The following ZPBP2 variants were observed in gnomAD, a reference collection of about 807,000 sequenced individuals.
The protein encoded by ZPBP2 is zona pellucida binding protein 2, also known as zona pellucida-binding protein 2.
A neutral mutation model predicts 37.5 loss-of-function variants in ZPBP2; 34 were observed. The ratio of observed to expected loss-of-function variants is 0.91; its 90% CI spans 0.69 to 1.21. ZPBP2 has a LOEUF of 1.21. ZPBP2 is among the 50% of genes most tolerant of loss of function. The pLI, the probability that ZPBP2 is intolerant of heterozygous loss-of-function variation, is 0.00. For synonymous variants in ZPBP2, 143 were observed against 138.4 expected (o/e 1.03, Z -0.23); for missense variants, 397 against 413.5 (o/e 0.96, Z 0.35).
chr17:39,869,405 C>CCTTCTT (rs1555647284), intron 2 of ZPBP2, among the ~76,000 whole-genome samples: 2,271 of 115,196 alleles, frequency 0.02, 44 homozygotes, highest in Non-Finnish European at 0.024. Flanking sequence ...TTCCTTCCTT[C>CCTTCTT]TTTTTTTTTT....
In ZPBP2 at chr17:39,868,675, C is replaced by A. The variant is rs1598260990; in HGVS notation, c.118+61C>A. On this transcript the variant is annotated intron_variant, in intron 2 of 7. Transcript: ENST00000348931. ...GGGGCCGGAACTGCGAAGCTCTTCC[C>A]GGAAGAGCTTCCTGGAGAGAAGGGG... The A allele has an allele frequency of 3.2e-6, 5 of 1,573,474 alleles. No homozygotes were observed. The Admixed American group carries it at 6.7e-5, about 21-fold the overall frequency.
chr17:39,873,088 G>C lies in ZPBP2; in HGVS notation c.670G>C (p.Val224Leu). 1 of 1,611,924 alleles carries C rather than the reference G, an allele frequency of 6.2e-7. No individual in the cohort carries two copies. Among genetic ancestry groups the C allele is most frequent in the Admixed American group, 1.7e-5 (1 of 59,648 alleles). The change falls in exon 6 of 8, where the codon GTT becomes CTT. Residue 224 changes from valine (V) to leucine (L), a missense_variant. Coordinates refer to ENST00000348931, the MANE Select transcript of ZPBP2 (RefSeq NM_199321.3). ...PGWKGACNGS[V>L]DCEDTTNHNI... ...GTGGAAAGGTGCTTGCAATGGATCT[G>C]TTGACTGTGAAGATACCACTAATCA...
Position 39,872,499 on chromosome 17 carries a change from T to A in ZPBP2, c.625+11T>A, listed in dbSNP as rs1386943817. The A allele has an allele frequency of 2.0e-6, 3 of 1,537,094 alleles. No individual in the cohort carries two copies. Among genetic ancestry groups the A allele is most frequent in the African/African-American group, 1.4e-5 (1 of 71,710 alleles). ...TTATAGCATTTCAAGGTAAAATTTT[T>A]AAAATTTCTTTAATTTTGAATTTAG... On this transcript the variant is annotated intron_variant, in intron 5 of 7. Transcript: ENST00000348931.
At chr17:39,871,319 A>C (rs1193233503) in intron 3 of ZPBP2, 145 bp from the exon 4 acceptor site, 9 of 548,820 alleles carry the variant, frequency 1.6e-5, no homozygotes, top group Non-Finnish European at 2.8e-5. Context: ...ACAGAGTAAT[A>C]TGACAGAATT....
At chr17:39,868,995 T>C (rs1032419540) in intron 2 of ZPBP2, among the ~76,000 whole-genome samples, 12 of 152,186 alleles carry the variant, frequency 7.9e-5, no homozygotes, top group African/African-American at 2.4e-4. Flanking sequence ...CCACGCATCC[T>C]TCAGGGCTCA....
At position 39,874,342 on chromosome 17, in the gene ZPBP2, A is replaced by C. The variant is rs142599882; in HGVS notation, c.709-912A>C. 2.0e-5 allele frequency among the ~76,000 whole-genome samples: 3 copies of C among 151,714 alleles called. No homozygotes were observed. In the East Asian group the frequency reaches 5.9e-4, roughly 30 times the overall value. ...GCTTGGCTCTTTTTCTTTGATGATC[A>C]TGGAAATTAGATATAATGAACGCCC... On this transcript the variant is annotated intron_variant, in intron 6 of 7. Coordinates refer to ENST00000348931, the MANE Select transcript of ZPBP2 (RefSeq NM_199321.3).
At chr17:39,870,860 C>A in intron 3 of ZPBP2, 41 bp downstream of exon 3, 1 of 1,405,476 alleles carries the variant, frequency 7.1e-7, no homozygotes, top group Non-Finnish European at 9.5e-7. Context: ...ATGATGTGAA[C>A]ATATTTTTAG....
At chr17:39,870,207 C>G (rs2063357671) in intron 2 of ZPBP2, among the ~76,000 whole-genome samples, 1 of 152,062 alleles carries the variant, frequency 6.6e-6, no homozygotes. Context: ...CCACGCCAAG[C>G]TAAGTTTTGT....
chr17:39,872,986 G>A (rs1422136696), intron 5 of ZPBP2, 58 bp from the exon 6 acceptor site: 2 of 1,517,980 alleles, frequency 1.3e-6, no homozygotes, highest in Admixed American at 3.5e-5. Context: ...GACCTTTATT[G>A]AAATGTTTGG....
intron 2 of ZPBP2, 152 bp downstream of exon 2, chr17:39,868,766 A>AT (rs2063348041): frequency 1.2e-6 from 1 of 825,506 alleles, no homozygotes. Flanking sequence ...CGACGGTCGC[A>AT]TTTTTTCATC....
chr17:39,871,399 T>C (rs914704277), intron 3 of ZPBP2, 65 bp from the exon 4 acceptor site: 1 of 1,172,130 alleles, frequency 8.5e-7, no homozygotes, highest in Admixed American at 2.7e-5. Flanking sequence ...TATTTGTAAC[T>C]CCAAGTGTAC....
rs1049572913 is a variant in ZPBP2 at position 39,874,184 on chromosome 17, G to C, written c.708+1058G>C. 4.0e-5 allele frequency among the ~76,000 whole-genome samples: 6 copies of C among 151,724 alleles called. No individual in the cohort carries two copies. In the South Asian group the frequency reaches 1.0e-3, roughly 26 times the overall value. ...TTTTTTGTGTTTTTATCAGAGACGG[G>C]GTTTCACCATGTTGGCTAGGTTGGT... On this transcript the variant is annotated intron_variant, in intron 6 of 7. Transcript: ENST00000348931.
intron 4 of ZPBP2, 84 bp downstream of exon 4, chr17:39,871,709 T>A (rs2063365467): frequency 1.7e-6 from 2 of 1,188,282 alleles, no homozygotes; most frequent in Non-Finnish European, 2.3e-6. Context: ...TGAAAATGAG[T>A]CTGTAATAGG....
In ZPBP2 at chr17:39,868,295, A is replaced by T. The variant is rs1403384844; in HGVS notation, c.-60A>T. 6 of 1,583,876 alleles carry T rather than the reference A, an allele frequency of 3.8e-6. No homozygotes were observed. The highest frequency in any genetic ancestry group is 5.1e-6 in the Non-Finnish European group (6 of 1,167,576). On this transcript the variant is annotated 5_prime_UTR_variant, in exon 1 of 8. Transcript: ENST00000348931. ...GGAGGAGGTGGGGAGGTGTTGGGCCAGGGCTGAGGTAGGAGGGAGTCTGTC... is the reference window on the plus strand; with the variant it reads ...GGAGGAGGTGGGGAGGTGTTGGGCCTGGGCTGAGGTAGGAGGGAGTCTGTC...
In ZPBP2 at chr17:39,869,206, C is replaced by A. The variant is rs1227203027; in HGVS notation, c.118+592C>A. 2.6e-5 allele frequency among the ~76,000 whole-genome samples: 4 copies of A among 152,150 alleles called. No homozygotes were observed. The South Asian group carries it at 6.2e-4, about 24-fold the overall frequency. ...ATTCAGTAGGCTTTAAAATTAATATCTTTCTGGGTTGCAGTGATTCCAAGC... is the reference window on the plus strand; with the variant it reads ...ATTCAGTAGGCTTTAAAATTAATATATTTCTGGGTTGCAGTGATTCCAAGC... On this transcript the variant is annotated intron_variant, in intron 2 of 7. Coordinates refer to ENST00000348931, the MANE Select transcript of ZPBP2 (RefSeq NM_199321.3).
At chr17:39,876,620 C>G in intron 7 of ZPBP2, 62 bp from the exon 8 acceptor site, 2 of 1,585,306 alleles carry the variant, frequency 1.3e-6, no homozygotes, top group Non-Finnish European at 1.7e-6. Flanking sequence ...TAGAATACCT[C>G]CAAGTAGTAG....
chr17:39,868,308 G>A lies in ZPBP2; in HGVS notation c.-47G>A, dbSNP rs747327429. 4 of 1,597,912 alleles carry A rather than the reference G, an allele frequency of 2.5e-6. No individual in the cohort carries two copies. The highest frequency in any genetic ancestry group is 3.4e-6 in the Non-Finnish European group (4 of 1,176,646). ...AGGTGTTGGGCCAGGGCTGAGGTAGGAGGGAGTCTGTCCCTCGACGCCTCC... is the reference window on the plus strand; with the variant it reads ...AGGTGTTGGGCCAGGGCTGAGGTAGAAGGGAGTCTGTCCCTCGACGCCTCC... On this transcript the variant is annotated 5_prime_UTR_variant, in exon 1 of 8. Coordinates refer to ENST00000348931, the MANE Select transcript of ZPBP2 (RefSeq NM_199321.3).
chr17:39,876,279 C>T (rs375951027), intron 7 of ZPBP2, among the ~76,000 whole-genome samples: 4 of 152,002 alleles, frequency 2.6e-5, no homozygotes, highest in Admixed American at 1.3e-4. Context: ...GATGTACTCT[C>T]TTGTATTATA....
chr17:39,875,542 C>CA (rs1422284234), intron 7 of ZPBP2, 108 bp downstream of exon 7: 61 of 828,534 alleles, frequency 7.4e-5, no homozygotes, highest in Admixed American at 2.4e-4. Context: ...ATTCTCTTAC[C>CA]AAAAAATATA....
Sources: allele counts gnomAD v4.1 joint callset (sites outside exome capture counted in the v4.1 genomes callset), GRCh38; gene constraint gnomAD v4.1.1; transcripts MANE v1.5; gene names NCBI Gene and HGNC (gene_info 2026-07-23, HGNC 2026-07-21).